KIAA1217: variants seen among roughly 807,000 people sequenced by gnomAD.
KIAA1217 encodes the protein KIAA1217.
A neutral mutation model predicts 163.9 loss-of-function variants in KIAA1217; 88 were observed. The observed-to-expected ratio is 0.54, with a 90% CI of 0.45 to 0.64. The LOEUF (loss-of-function observed/expected upper bound fraction) is 0.64, where lower values mean the gene tolerates loss of function less well. Among genes scored for constraint, KIAA1217 ranks in the 30% least tolerant of loss-of-function variants. The pLI, the probability that KIAA1217 is intolerant of heterozygous loss-of-function variation, is 0.00. For missense variants in KIAA1217, 2,372 were observed against 2,475.0 expected, an observed-to-expected ratio of 0.96 and a Z score of 0.88; for synonymous variants, 903 against 923.1, an observed-to-expected ratio of 0.98 and a Z score of 0.39.
chr10:24,367,598 G>C (rs968142298), intron 2 of KIAA1217, among the ~76,000 whole-genome samples: 2 of 152,202 alleles, frequency 1.3e-5, no homozygotes, highest in African/African-American at 4.8e-5. Flanking sequence ...CAGTAAAACA[G>C]AAGCCTGAAT....
intron 2 of KIAA1217, among the ~76,000 whole-genome samples, chr10:24,064,820 C>G (rs184247944): frequency 6.6e-6 from 1 of 152,138 alleles, no homozygotes; most frequent in African/African-American, 2.4e-5. Context: ...AATTTCAGAG[C>G]CTGTTATTGG....
At chr10:24,015,872 G>T (rs1288936014) in intron 2 of KIAA1217, among the ~76,000 whole-genome samples, 2 of 151,832 alleles carry the variant, frequency 1.3e-5, no homozygotes, top group Non-Finnish European at 2.9e-5. Flanking sequence ...ACTTCAAAGT[G>T]TACTGGGATG....
At chr10:24,199,579 A>G (rs2130514625) in intron 2 of KIAA1217, among the ~76,000 whole-genome samples, 1 of 152,340 alleles carries the variant, frequency 6.6e-6, no homozygotes, top group South Asian at 2.1e-4. Flanking sequence ...CCTTTTCTTC[A>G]GGTTTTATTC....
intron 6 of KIAA1217, among the ~76,000 whole-genome samples, chr10:24,488,497 GCCCACTACA>G (rs2065691507): frequency 6.6e-6 from 1 of 152,172 alleles, no homozygotes; most frequent in Non-Finnish European, 1.5e-5. Flanking sequence ...AGCCCTGACT[GCCCACTACA>G]CCAGTGTCTC....
intron 6 of KIAA1217, among the ~76,000 whole-genome samples, chr10:24,490,743 T>C (rs925965687): frequency 1.5e-4 from 23 of 152,194 alleles, no homozygotes; most frequent in African/African-American, 5.5e-4. Context: ...CAGGAGAGAA[T>C]GGCTTCCCCT....
Position 23,887,299 on chromosome 10 carries a change from A to G in KIAA1217, c.-320-119926A>G, listed in dbSNP as rs138210595. Among the ~76,000 whole-genome samples, 398 of 152,092 alleles carry G rather than the reference A, an allele frequency of 2.6e-3. 2 individuals are homozygous for G. Among genetic ancestry groups the G allele is most frequent in the African/African-American group, 9.1e-3 (379 of 41,556 alleles). ...AAAAGATATGGATGCAAAAAAATAG[A>G]TTGTGTCAATGCTGGGACACAGTGG... On this transcript the variant is annotated intron_variant, in intron 1 of 18. Coordinates refer to the KIAA1217 transcript ENST00000376462.
intron 5 of KIAA1217, among the ~76,000 whole-genome samples, chr10:24,471,886 C>CA (rs749624402): frequency 0.06 from 2,581 of 43,110 alleles, 86 homozygotes; most frequent in African/African-American, 0.095. Flanking sequence ...GACTCCATCT[C>CA]AAAAAAAAAA....
At chr10:24,205,910 G>A (rs2067531473), upstream of KIAA1217, among the ~76,000 whole-genome samples, 1 of 152,226 alleles carries the variant, frequency 6.6e-6, no homozygotes, top group Non-Finnish European at 1.5e-5. Flanking sequence ...TCTTTATGGT[G>A]AATGCCATTT....
chr10:24,202,750 C>T (rs1295129116), intron 2 of KIAA1217, among the ~76,000 whole-genome samples: 1 of 152,224 alleles, frequency 6.6e-6, no homozygotes, highest in Non-Finnish European at 1.5e-5. Flanking sequence ...CTAGAGGTCT[C>T]AGTGACTAGA....
At chr10:24,381,495 C>T (rs147631000) in intron 3 of KIAA1217, among the ~76,000 whole-genome samples, 6 of 152,286 alleles carry the variant, frequency 3.9e-5, no homozygotes, top group South Asian at 2.1e-4. Flanking sequence ...CTGTGGCATC[C>T]GCTTCTCATA....
At chr10:23,934,562 T>TAC (rs1293933051) in intron 1 of KIAA1217, among the ~76,000 whole-genome samples, 1 of 35,866 alleles carries the variant, frequency 2.8e-5, no homozygotes, top group Admixed American at 3.3e-4. Context: ...TTAAAGTATA[T>TAC]ATATATATAT....
chr10:24,497,660 C>G (rs1050984331), intron 8 of KIAA1217, among the ~76,000 whole-genome samples: 1 of 149,752 alleles, frequency 6.7e-6, no homozygotes, highest in Non-Finnish European at 1.5e-5. Flanking sequence ...GTCAAGGCTG[C>G]AGTAAGCCGA....
chr10:24,166,898 C>CA (rs1217153285), intron 2 of KIAA1217, among the ~76,000 whole-genome samples: 7 of 152,008 alleles, frequency 4.6e-5, no homozygotes, highest in Non-Finnish European at 1.0e-4. Context: ...GTATCAACAA[C>CA]AAAAAAATTA....
At chr10:24,198,560 G>T (rs1221246856) in intron 2 of KIAA1217, among the ~76,000 whole-genome samples, 1 of 147,054 alleles carries the variant, frequency 6.8e-6, no homozygotes, top group East Asian at 2.0e-4. Flanking sequence ...AGTGAGCCAA[G>T]ATCGTGCCAC....
At chr10:24,137,720 G>T (rs1400064424) in intron 2 of KIAA1217, among the ~76,000 whole-genome samples, 1 of 152,124 alleles carries the variant, frequency 6.6e-6, no homozygotes, top group Non-Finnish European at 1.5e-5. Context: ...TATTTGGAAG[G>T]TTTTATTATC....
At chr10:23,792,797 C>T (rs1318110978) in intron 1 of KIAA1217, among the ~76,000 whole-genome samples, 1 of 151,966 alleles carries the variant, frequency 6.6e-6, no homozygotes, top group East Asian at 1.9e-4. Context: ...CCACTGCGCC[C>T]GGTCTCTTTT....
At chr10:24,189,039 G>C (rs2066582821) in intron 2 of KIAA1217, among the ~76,000 whole-genome samples, 1 of 150,868 alleles carries the variant, frequency 6.6e-6, no homozygotes, top group Non-Finnish European at 1.5e-5. Flanking sequence ...CCGGGAGATG[G>C]AGCTTGCAGT....
At chr10:24,130,025 A>G (rs1333270290) in intron 2 of KIAA1217, among the ~76,000 whole-genome samples, 1 of 152,076 alleles carries the variant, frequency 6.6e-6, no homozygotes, top group Non-Finnish European at 1.5e-5. Context: ...TAGTATATGC[A>G]TATTCTTCAG....
chr10:24,438,390 A>G lies in KIAA1217; in HGVS notation c.757A>G (p.Ile253Val). ...TATCGATGTTTTTGATTCCAGGAACATTCAAGACAGATCACTCCTCAAAGT... is the reference window on the plus strand; with the variant it reads ...TATCGATGTTTTTGATTCCAGGAACGTTCAAGACAGATCACTCCTCAAAGT... ...VYYELNDVRN[I>V]QDRSLLKVYN... The change falls in exon 5 of 21, where the codon ATT becomes GTT. Residue 253 changes from isoleucine (I) to valine (V), a missense_variant. By Grantham distance (29) the Ile-to-Val change is conservative (BLOSUM62 3). Coordinates refer to ENST00000376454, the MANE Select transcript of KIAA1217 (RefSeq NM_019590.5). 1 of 1,611,664 alleles carries G rather than the reference A, an allele frequency of 6.2e-7. No individual in the cohort carries two copies. The highest frequency in any genetic ancestry group is 8.5e-7 in the Non-Finnish European group (1 of 1,177,768).
Sources: gnomAD v4.1 joint callset for allele counts (sites outside exome capture counted in the v4.1 genomes callset) on GRCh38, gnomAD v4.1.1 for gene constraint, MANE v1.5 for transcripts, NCBI Gene and HGNC (gene_info 2026-07-23, HGNC 2026-07-21) for gene names.